The following FGD1 variants were observed in gnomAD, a reference collection of about 807,000 sequenced individuals.
The protein encoded by FGD1 is FYVE, RhoGEF and PH domain containing 1.
FGD1 carries 12 observed loss-of-function variants against 65.0 expected under a neutral mutation model. The ratio of observed to expected loss-of-function variants is 0.18; its 90% CI spans 0.12 to 0.30. FGD1 has a LOEUF of 0.30. Among genes scored for constraint, FGD1 ranks in the 10% least tolerant of loss-of-function variants. The pLI is 1.00. For synonymous variants in FGD1, 333 were observed against 343.9 expected (o/e 0.97, Z 0.35); for missense variants, 542 against 837.6 (o/e 0.65, Z 4.36).
intron 8 of FGD1, among the ~76,000 whole-genome samples, chrX:54,462,279 G>A (rs1167104806): frequency 9.0e-6 from 1 of 110,960 alleles, no homozygotes; most frequent in Non-Finnish European, 1.9e-5. Flanking sequence ...TAGAGGCCTA[G>A]TTCTTTCTAG....
intron 1 of FGD1, among the ~76,000 whole-genome samples, chrX:54,478,653 C>T (rs1923072904): frequency 1.8e-5 from 2 of 110,938 alleles, no homozygotes; most frequent in South Asian, 7.6e-4. Flanking sequence ...AATAGCAGTT[C>T]CTTGGTTTGG....
chrX:54,457,741 CAG>C (rs1407486385), intron 8 of FGD1, among the ~76,000 whole-genome samples: 2 of 110,326 alleles, frequency 1.8e-5, no homozygotes, highest in East Asian at 5.7e-4. Flanking sequence ...GCTCAGATAA[CAG>C]GGGATTTTTT....
Position 54,477,251 on chromosome X carries a change from G to GC in FGD1, c.308-5765dup, listed in dbSNP as rs1321194185. ...CTTCCTGCCCCACTCTCAAACCCCT[G>GC]CCCCCCCAGGCATTCAGCAGGCCAG... On this transcript the variant is annotated intron_variant, in intron 1 of 17. Coordinates refer to ENST00000375135, the MANE Select transcript of FGD1 (RefSeq NM_004463.3). 8.1e-5 allele frequency among the ~76,000 whole-genome samples: 9 copies of GC among 111,622 alleles called. 1 individual carries two copies. The highest frequency in any genetic ancestry group is 2.0e-4 in the African/African-American group (6 of 30,683).
intron 5 of FGD1, 125 bp downstream of exon 5, chrX:54,468,662 G>A (rs2147434378): frequency 3.9e-6 from 2 of 514,822 alleles, no homozygotes; most frequent in East Asian, 3.7e-5. Context: ...TTCAAGGTCA[G>A]AGAGGAGCCT....
At position 54,492,624 on chromosome X, in the gene FGD1, G is replaced by A. The variant is rs770479565; in HGVS notation, c.307+2502C>T. ...CATGCTGCAGTGAATCACATGGCCC[G>A]GCGCCCGCCTAGTCAGGGCCTGAGT... On this transcript the variant is annotated intron_variant, in intron 1 of 17. Transcript: ENST00000375135. Among the ~76,000 whole-genome samples the A allele has an allele frequency of 2.7e-5, 3 of 112,328 alleles. No individual in the cohort carries two copies. The South Asian group carries it at 1.1e-3, about 41-fold the overall frequency.
Position 54,475,737 on chromosome X carries a change from C to T in FGD1, c.308-4250G>A, listed in dbSNP as rs755851194. Among the ~76,000 whole-genome samples the T allele has an allele frequency of 4.0e-4, 45 of 112,219 alleles. No individual in the cohort carries two copies. The South Asian group carries it at 0.016, about 40-fold the overall frequency. On this transcript the variant is annotated intron_variant, in intron 1 of 17. Transcript: ENST00000375135. ...ATCATGCCACTTACCTGCACAAGAACCTTCTGTAACTCCCTACTGTCCATG... is the reference window on the plus strand; with the variant it reads ...ATCATGCCACTTACCTGCACAAGAATCTTCTGTAACTCCCTACTGTCCATG...
Position 54,467,656 on chromosome X carries a change from C to CT in FGD1, c.1340+127dup, listed in dbSNP as rs773698561. ...CAGGTGTGAGCCACCGTGCCCGGCT[C>CT]TGATTCCTTTTTCAAAAGTCACTAA... On this transcript the variant is annotated intron_variant, in intron 6 of 17. Transcript: ENST00000375135. The CT allele has an allele frequency of 3.5e-3, 2,723 of 781,402 alleles. 7 individuals are homozygous for CT. The highest frequency in any genetic ancestry group is 0.014 in the Middle Eastern group (38 of 2,650). 64.4% of individuals were successfully genotyped at this position (781,402 alleles called of 1,213,427 possible).
rs1462105943 is a variant in FGD1, at chrX:54,467,939, G to A, written c.1192-7C>T. 8.5e-7 allele frequency: 1 copy of A among 1,175,245 alleles called. No individual in the cohort carries two copies. The highest frequency in any genetic ancestry group is 1.1e-6 in the Non-Finnish European group (1 of 876,380). On this transcript the variant is annotated splice_polypyrimidine_tract_variant and splice_region_variant and intron_variant, in intron 5 of 17. Coordinates refer to ENST00000375135, the MANE Select transcript of FGD1 (RefSeq NM_004463.3). ...GCAGCCGGGCACAGAACACCTGTGG[G>A]GCAGGGCAGAAGCACTCAGCCCAGC...
chrX:54,482,236 GCACACACA>G lies in FGD1; in HGVS notation c.308-10757_308-10750del, dbSNP rs759070309. ...CAGGCACATGCGCGCGCACACGCGCGCACACACACACACACACACACACACACACACAG... is the reference window on the plus strand; with the variant it reads ...CAGGCACATGCGCGCGCACACGCGCGCACACACACACACACACACACACAG... On this transcript the variant is annotated intron_variant, in intron 1 of 17. Transcript: ENST00000375135. 3.0e-5 allele frequency among the ~76,000 whole-genome samples: 3 copies of G among 99,366 alleles called. No homozygotes were observed. The East Asian group carries it at 9.8e-4, about 33-fold the overall frequency. The allele number at this position is 99,366 out of a possible 115,157, so 86.3% of individuals were successfully genotyped here.
rs370414827 is a variant in FGD1 at position 54,472,280 on chromosome X, G to GA, written c.308-794dup. Among the ~76,000 whole-genome samples the GA allele has an allele frequency of 1.9e-3, 141 of 75,166 alleles. 1 individual carries two copies. Among genetic ancestry groups the GA allele is most frequent in the African/African-American group, 3.0e-3 (66 of 22,264 alleles). 65.3% of individuals were successfully genotyped at this position (75,166 alleles called of 115,157 possible). On this transcript the variant is annotated intron_variant, in intron 1 of 17. Coordinates refer to ENST00000375135, the MANE Select transcript of FGD1 (RefSeq NM_004463.3). ...ACAAAAGAGCAAGACGCTGTCTCAA[G>GA]AAAAAAAAAAAAAAGAAGAAAAATG...
At chrX:54,455,830 G>C (rs757923930) in intron 10 of FGD1, 46 bp from the exon 11 acceptor site, 7 of 1,014,257 alleles carry the variant, frequency 6.9e-6, no homozygotes, top group Non-Finnish European at 9.6e-6. Flanking sequence ...GGCCTAGTGG[G>C]GATGTGGCCC....
At chrX:54,477,123 AC>A (rs1233722546) in intron 1 of FGD1, among the ~76,000 whole-genome samples, 1 of 112,421 alleles carries the variant, frequency 8.9e-6, no homozygotes, top group African/African-American at 3.2e-5. Flanking sequence ...CACCACTGCC[AC>A]TCGGACATCT....
rs771969675 is a variant in FGD1, at chrX:54,471,584, G to C, written c.308-97C>G. 46 of 837,697 alleles carry C rather than the reference G, an allele frequency of 5.5e-5. No homozygotes were observed. The South Asian group carries it at 9.9e-4, about 18-fold the overall frequency. The allele number at this position is 837,697 out of a possible 1,213,427, so 69.0% of individuals were successfully genotyped here. ...CTGGCATGTCTTAGCAGCTATCTGG[G>C]GTATTGGGTTTCTCTGAGCCCCTTT... On this transcript the variant is annotated intron_variant, in intron 1 of 17. Coordinates refer to ENST00000375135, the MANE Select transcript of FGD1 (RefSeq NM_004463.3).
At position 54,448,973 on chromosome X, in the gene FGD1, G is replaced by T. The variant is rs376026003; in HGVS notation, c.2275-6C>A. 5.4e-5 allele frequency: 65 copies of T among 1,207,520 alleles called. No individual in the cohort carries two copies. In the African/African-American group the frequency reaches 8.7e-4, roughly 16 times the overall value. ...GAGCACTTCCCACAAACCACCTGGGGTGGCAAGTGGGCAAGAGTAGCCTGA... is the reference window on the plus strand; with the variant it reads ...GAGCACTTCCCACAAACCACCTGGGTTGGCAAGTGGGCAAGAGTAGCCTGA... On this transcript the variant is annotated splice_region_variant and splice_polypyrimidine_tract_variant and intron_variant, in intron 15 of 17. Coordinates refer to ENST00000375135, the MANE Select transcript of FGD1 (RefSeq NM_004463.3).
At chrX:54,485,189 C>A (rs1302434846) in intron 1 of FGD1, among the ~76,000 whole-genome samples, 1 of 111,497 alleles carries the variant, frequency 9.0e-6, no homozygotes, top group Non-Finnish European at 1.9e-5. Context: ...TTGGTTCTTT[C>A]CCCAGACTCT....
chrX:54,456,438 AC>A, intron 9 of FGD1, 70 bp downstream of exon 9: 1 of 1,206,705 alleles, frequency 8.3e-7, no homozygotes, highest in Admixed American at 2.2e-5. Context: ...AAGTCACGAC[AC>A]CCCCACTCCA....
chrX:54,480,140 C>T (rs1262806320), intron 1 of FGD1, among the ~76,000 whole-genome samples: 1 of 112,845 alleles, frequency 8.9e-6, no homozygotes, highest in Non-Finnish European at 1.9e-5. Flanking sequence ...TTCGAGTTTC[C>T]TGAAGAGTGT....
intron 1 of FGD1, among the ~76,000 whole-genome samples, chrX:54,477,130 C>T (rs980294243): frequency 1.8e-5 from 2 of 112,946 alleles, no homozygotes; most frequent in African/African-American, 6.4e-5. Flanking sequence ...GCCACTCGGA[C>T]ATCTCTTGTC....
chrX:54,458,106 G>A (rs1922546312), intron 8 of FGD1, among the ~76,000 whole-genome samples: 1 of 112,338 alleles, frequency 8.9e-6, no homozygotes, highest in South Asian at 3.6e-4. Context: ...TGCCTTTCAG[G>A]GGCCGGGCTC....
Sources: gnomAD v4.1 joint callset for allele counts (sites outside exome capture counted in the v4.1 genomes callset) on GRCh38, gnomAD v4.1.1 for gene constraint, MANE v1.5 for transcripts, NCBI Gene and HGNC (gene_info 2026-07-23, HGNC 2026-07-21) for gene names.